Variants in WDR87 observed in about 807,000 individuals in gnomAD.
WDR87 encodes the protein WD repeat domain 87.
A neutral mutation model predicts 83.3 loss-of-function variants in WDR87; 56 were observed. That is an observed-to-expected ratio of 0.67 (90% CI 0.54 to 0.84). The LOEUF is 0.84. Ranked by LOEUF, WDR87 falls within the 40% of genes least tolerant of loss-of-function variation. The probability of loss-of-function intolerance (pLI) is 0.00; values close to 1 mark genes in which losing one functional copy is unlikely to be tolerated. For synonymous variants in WDR87, 1,173 were observed against 1,250.6 expected (o/e 0.94, Z 1.31); for missense variants, 2,939 against 3,431.9 (o/e 0.86, Z 3.59).
intron 2 of WDR87, among the ~76,000 whole-genome samples, chr19:37,897,633 C>T (rs1334181532): frequency 2.6e-5 from 4 of 152,076 alleles, no homozygotes; most frequent in African/African-American, 9.7e-5. Context: ...CCTGTGATCC[C>T]AGCACTTTGG....
At position 37,889,113 on chromosome 19, in the gene WDR87, A is replaced by T; in HGVS notation, c.4558T>A (p.Trp1520Arg). The change falls in exon 6 of 6, where the codon TGG becomes AGG. Residue 1520 changes from tryptophan to arginine, a missense_variant. Physicochemically the swap from Trp to Arg is moderately radical, Grantham distance 101. Transcript: ENST00000447313. Reference protein sequence around the residue: ...HGETRKSWKAWKEEWEKRLLQ... With the variant: ...HGETRKSWKARKEEWEKRLLQ... ...AGCCTCTTCTCCCATTCTTCCTTCC[A>T]TGCCTTCCAGGATTTCCTTGTCTCA... 1 of 1,551,948 alleles carries T rather than the reference A, an allele frequency of 6.4e-7. No individual in the cohort carries two copies. The highest frequency in any genetic ancestry group is 1.2e-5 in the South Asian group (1 of 84,036).
intron 1 of WDR87, among the ~76,000 whole-genome samples, chr19:37,900,286 G>A (rs2046285072): frequency 6.6e-6 from 1 of 152,164 alleles, no homozygotes; most frequent in African/African-American, 2.4e-5. Flanking sequence ...GATCCACCAG[G>A]TGCAGTGGCT....
Position 37,886,683 on chromosome 19 carries a change from T to C in WDR87, c.6988A>G (p.Lys2330Glu). The C allele has an allele frequency of 7.0e-7, 1 of 1,421,738 alleles. No homozygotes were observed. The highest frequency in any genetic ancestry group is 9.6e-7 in the Non-Finnish European group (1 of 1,047,054). The allele number at this position is 1,421,738 out of a possible 1,614,324, so 88.1% of individuals were successfully genotyped here. A position where few individuals can be genotyped will look rare whatever the true frequency, so the allele number is the denominator to read the frequency against. ...EKEEEEKKKK[K>E]KEKKKEEVQE... ...ACCTCCTCCTTCTTCTTTTCCTTTTTCTTCTTCTTCTTCTCCTCCTCTTCT... is the reference window on the plus strand; with the variant it reads ...ACCTCCTCCTTCTTCTTTTCCTTTTCCTTCTTCTTCTTCTCCTCCTCTTCT... The change falls in exon 6 of 6, where the codon AAA becomes GAA. Residue 2330 changes from lysine (K) to glutamate (E), a missense_variant. Physicochemically the swap from Lys to Glu is moderately conservative, Grantham distance 56. Coordinates refer to ENST00000447313, the MANE Select transcript of WDR87 (RefSeq NM_001291088.2).
At chr19:37,890,396 G>A in intron 5 of WDR87, 120 bp from the exon 6 acceptor site, 1 of 1,230,764 alleles carries the variant, frequency 8.1e-7, no homozygotes, top group Non-Finnish European at 1.0e-6. Context: ...AGAGAGAACT[G>A]AGGCCTTAAA....
intron 3 of WDR87, 70 bp from the exon 4 acceptor site, chr19:37,895,526 G>A (rs2046247656): frequency 7.1e-7 from 1 of 1,413,446 alleles, no homozygotes; most frequent in Non-Finnish European, 9.5e-7. Flanking sequence ...CCAGCACTTT[G>A]GGAGGCCGAG....
At position 37,893,067 on chromosome 19, in the gene WDR87, T is replaced by C. The variant is rs1332718534; in HGVS notation, c.2636A>G (p.Asn879Ser). ...TAGGAAGTGTTCATCCTCCTCCTTA[T>C]TCTTTGGATATTCTGTATTACTTAT... Reference protein sequence around the residue: ...RAISNTEYPKNKEEDEHFLEM... With the variant: ...RAISNTEYPKSKEEDEHFLEM... The change falls in exon 4 of 6, where the codon AAT (asparagine) becomes AGT (serine). Residue 879 changes from asparagine to serine, a missense_variant. Coordinates refer to ENST00000447313, the MANE Select transcript of WDR87 (RefSeq NM_001291088.2). 1 of 1,551,654 alleles carries C rather than the reference T, an allele frequency of 6.4e-7. No individual in the cohort carries two copies. Among genetic ancestry groups the C allele is most frequent in the East Asian group, 2.4e-5 (1 of 40,924 alleles).
At chr19:37,901,371 C>G (rs541005935) in intron 1 of WDR87, among the ~76,000 whole-genome samples, 2 of 152,268 alleles carry the variant, frequency 1.3e-5, no homozygotes, top group South Asian at 4.1e-4. Context: ...GCGGAAGTTG[C>G]AGTGAGCCGA....
At chr19:37,905,476 GATAA>G (rs1262453156) in intron 1 of WDR87, among the ~76,000 whole-genome samples, 1 of 150,534 alleles carries the variant, frequency 6.6e-6, no homozygotes, top group African/African-American at 2.4e-5. Flanking sequence ...AAATAATAAT[GATAA>G]ATAAAATGAA....
rs533531715 is a variant in WDR87 at position 37,906,074 on chromosome 19, G to A, written c.-47+425C>T. On this transcript the variant is annotated intron_variant, in intron 1 of 5. Coordinates refer to ENST00000447313, the MANE Select transcript of WDR87 (RefSeq NM_001291088.2). ...AGTGTTAGTGAACATCTTCCTAGAA[G>A]GCAGGCTGAGGCGGAAAGGGTATTG... is the stretch of plus-strand genomic sequence containing the variant. Among the ~76,000 whole-genome samples, 16 of 152,280 alleles carry A rather than the reference G, an allele frequency of 1.1e-4. No homozygotes were observed. In the East Asian group the frequency reaches 2.5e-3, roughly 24 times the overall value.
At position 37,893,472 on chromosome 19, in the gene WDR87, T is replaced by C. The variant is rs183951887; in HGVS notation, c.2231A>G (p.His744Arg). 6.4e-7 allele frequency: 1 copy of C among 1,552,008 alleles called. No individual in the cohort carries two copies. Among genetic ancestry groups the C allele is most frequent in the East Asian group, 2.4e-5 (1 of 40,928 alleles). The change falls in exon 4 of 6, where the codon CAT becomes CGT. Residue 744 changes from histidine (H) to arginine (R), a missense_variant. By Grantham distance (29) the His-to-Arg change is conservative (BLOSUM62 0). Coordinates refer to ENST00000447313, the MANE Select transcript of WDR87 (RefSeq NM_001291088.2). ...LVNNRAIAFD[H>R]SVPHVIEEDE... ...TTCTTCTATCACATGTGGCACAGAA[T>C]GGTCAAAGGCAATGGCCCGGTTGTT...
intron 1 of WDR87, among the ~76,000 whole-genome samples, chr19:37,902,818 C>T (rs983490587): frequency 3.3e-5 from 5 of 152,062 alleles, no homozygotes. Context: ...CCCCTGGGCT[C>T]CCTTTGGCTC....
rs1176876753 is a variant in WDR87, at chr19:37,885,555, A to G, written c.8116T>C (p.Tyr2706His). ...GGAAAAATGTCTCTGGTGGCAGGAT[A>G]AAAGTATTGCATTTCCATCTCCTTG... ...AHKEMEMQYFYPATRDIFPSA... is the reference protein window; with the variant it reads ...AHKEMEMQYFHPATRDIFPSA... Residue 2706 changes from tyrosine (Y) to histidine (H), a missense_variant, in exon 6 of 6, where the codon TAT becomes CAT. This residue lies in a region of WDR87 where 2,160 missense variants were observed against 2,533.1 expected (regional missense o/e 0.85). Coordinates refer to ENST00000447313, the MANE Select transcript of WDR87 (RefSeq NM_001291088.2). The G allele has an allele frequency of 1.3e-6, 2 of 1,551,624 alleles. No individual in the cohort carries two copies. Among genetic ancestry groups the G allele is most frequent in the African/African-American group, 2.7e-5 (2 of 73,046 alleles).
chr19:37,890,007 C>A lies in WDR87; in HGVS notation c.3664G>T (p.Ala1222Ser). 1.9e-6 allele frequency: 3 copies of A among 1,551,618 alleles called. No homozygotes were observed. Among genetic ancestry groups the A allele is most frequent in the Non-Finnish European group, 2.6e-6 (3 of 1,146,976 alleles). The part of the protein sequence containing the change: ...QKIRDKRDKK[A>S]TAQKLKKKHK... The stretch of plus-strand genomic sequence containing the variant: ...TTCTTTTTGAGTTTCTGAGCTGTTG[C>A]TTTCTTGTCTCTTTTGTCACGTATT... Residue 1222 changes from alanine (A) to serine (S), a missense_variant, in exon 6 of 6, where the codon GCA (alanine) becomes TCA (serine). Physicochemically the swap from Ala to Ser is moderately conservative, Grantham distance 99 (BLOSUM62 1). Coordinates refer to ENST00000447313, the MANE Select transcript of WDR87 (RefSeq NM_001291088.2).
chr19:37,899,853 A>G (rs1749681604), intron 1 of WDR87, among the ~76,000 whole-genome samples: 1 of 152,210 alleles, frequency 6.6e-6, no homozygotes, highest in African/African-American at 2.4e-5. Flanking sequence ...TCCTGGCCTC[A>G]AGCTTTGGCT....
In WDR87 at chr19:37,888,415, C is replaced by G. The variant is rs371432204; in HGVS notation, c.5256G>C (p.Glu1752Asp). 1.4e-5 allele frequency: 21 copies of G among 1,551,980 alleles called. No homozygotes were observed. The African/African-American group carries it at 2.1e-4, about 15-fold the overall frequency. ...CCAGTTCCTCCAATTCCTGGGCCAG[C>G]TCCTTTTCTTGCCAGTCCAGATTTT... ...REQNLDWQEK[E>D]LAQELEELEW... is the part of the protein sequence containing the mutation. Residue 1752 changes from glutamate (E) to aspartate (D), a missense_variant, in exon 6 of 6, where the codon GAG becomes GAC. Physicochemically the swap from Glu to Asp is conservative, Grantham distance 45 (BLOSUM62 2). Coordinates refer to ENST00000447313, the MANE Select transcript of WDR87 (RefSeq NM_001291088.2).
Position 37,894,009 on chromosome 19 carries a change from A to G in WDR87, c.1694T>C (p.Leu565Pro). The G allele has an allele frequency of 1.3e-6, 2 of 1,551,920 alleles. No homozygotes were observed. The highest frequency in any genetic ancestry group is 1.7e-6 in the Non-Finnish European group (2 of 1,147,038). ...GATGGCACCCACAGACTTGGGCAAG[A>G]GTATCAGATGTGTTAGGTGACAGCT... ...LSSCHLTHLI[L>P]LPKSVGAITE... The change falls in exon 4 of 6, where the codon CTC (leucine) becomes CCC (proline). Residue 565 changes from leucine to proline, a missense_variant. By Grantham distance (98) the Leu-to-Pro change is moderately conservative. Transcript: ENST00000447313.
chr19:37,898,460 C>G (rs932722486), intron 1 of WDR87, among the ~76,000 whole-genome samples, 175 bp from the exon 2 acceptor site: 1 of 152,190 alleles, frequency 6.6e-6, no homozygotes, highest in Non-Finnish European at 1.5e-5. Flanking sequence ...TAGGCATTAT[C>G]TCATTTTATA....
rs745578639 is a variant in WDR87 at position 37,888,094 on chromosome 19, G to C, written c.5577C>G (p.Ile1859Met). 1 of 1,551,638 alleles carries C rather than the reference G, an allele frequency of 6.4e-7. No homozygotes were observed. The highest frequency in any genetic ancestry group is 1.4e-5 in the African/African-American group (1 of 72,952). ...MKLAQKRERW[I>M]NSMEELTKNK... Reference sequence around the variant, plus strand: ...TCTTTGTGAGTTCTTCCATGCTGTTGATCCATCTTTCCCTTTTTTGGGCCA... The same window carrying C: ...TCTTTGTGAGTTCTTCCATGCTGTTCATCCATCTTTCCCTTTTTTGGGCCA... Residue 1859 changes from isoleucine (I) to methionine (M), a missense_variant, in exon 6 of 6, where the codon ATC becomes ATG. Ile to Met is a conservative substitution (Grantham distance 10). Around this residue, in one of 3 missense-constraint regions of WDR87, gnomAD observed 2,160 missense variants for 2,533.1 expected, o/e 0.85. Coordinates refer to ENST00000447313, the MANE Select transcript of WDR87 (RefSeq NM_001291088.2).
In WDR87 at chr19:37,893,194, C is replaced by T; in HGVS notation, c.2509G>A (p.Gly837Ser). The change falls in exon 4 of 6, where the codon GGC (glycine) becomes AGC (serine). Residue 837 changes from glycine to serine, a missense_variant. By Grantham distance (56) the Gly-to-Ser change is moderately conservative (BLOSUM62 0). Coordinates refer to ENST00000447313, the MANE Select transcript of WDR87 (RefSeq NM_001291088.2). ...TTGCACTGTAGGTATATTGGGGTGC[C>T]CTCTGGCCAAAGACGGGCACGAATC... ...SVIRARLWPE[G>S]TPIYLQCNLH... The T allele has an allele frequency of 1.9e-6, 3 of 1,551,876 alleles. No individual in the cohort carries two copies. Among genetic ancestry groups the T allele is most frequent in the South Asian group, 2.4e-5 (2 of 84,060 alleles).
Sources: allele counts gnomAD v4.1 joint callset (sites outside exome capture counted in the v4.1 genomes callset), GRCh38; gene constraint gnomAD v4.1.1; regional missense constraint gnomAD v4.1.1; transcripts MANE v1.5; gene names NCBI Gene and HGNC (gene_info 2026-07-23, HGNC 2026-07-21).